The following NSD3 variants were observed in gnomAD, a reference collection of about 807,000 sequenced individuals.
The protein encoded by NSD3 is nuclear receptor binding SET domain protein 3.
In NSD3, 24 loss-of-function variants were observed where a neutral mutation model predicts 160.8. The observed-to-expected ratio is 0.15, with a 90% CI of 0.11 to 0.21. The LOEUF is 0.21. Ranked by LOEUF, NSD3 falls within the 10% of genes least tolerant of loss-of-function variation. The probability of loss-of-function intolerance (pLI) is 1.00; values close to 1 mark genes in which losing one functional copy is unlikely to be tolerated. For synonymous variants in NSD3, 520 were observed against 600.0 expected (o/e 0.87, Z 1.95); for missense variants, 1,157 against 1,735.9 (o/e 0.67, Z 5.93).
intron 12 of NSD3, among the ~76,000 whole-genome samples, chr8:38,306,729 C>A (rs1238332217): frequency 5.3e-5 from 8 of 151,836 alleles, no homozygotes; most frequent in African/African-American, 1.9e-4. Flanking sequence ...TGTAAATGGG[C>A]AATTTACATA....
At position 38,348,898 on chromosome 8, in the gene NSD3, A is replaced by G. The variant is rs1456811381; in HGVS notation, c.-44-683T>C. 2.0e-5 allele frequency among the ~76,000 whole-genome samples: 3 copies of G among 152,252 alleles called. No individual in the cohort carries two copies. In the East Asian group the frequency reaches 5.8e-4, roughly 29 times the overall value. On this transcript the variant is annotated intron_variant, in intron 1 of 23. Transcript: ENST00000317025. ...GGTCTTGAACTCTTGGGCTCAAGCA[A>G]TCCACCTGCCTCAGCCTCCCAAAGT... is the stretch of plus-strand genomic sequence containing the variant.
At chr8:38,331,311 C>A in intron 5 of NSD3, 120 bp downstream of exon 5, 1 of 1,180,480 alleles carries the variant, frequency 8.5e-7, no homozygotes, top group African/African-American at 1.6e-5. Flanking sequence ...ATTAAAACAG[C>A]TGAAAGGGGT....
intron 19 of NSD3, among the ~76,000 whole-genome samples, chr8:38,284,248 A>G (rs2932003): frequency 0.94 from 143,733 of 152,326 alleles, 68,017 homozygotes; most frequent in East Asian, 1. Flanking sequence ...AGCCTCAAAT[A>G]GCTTTTCCTG....
chr8:38,378,469 G>A (rs1811455212), intron 1 of NSD3, among the ~76,000 whole-genome samples: 1 of 152,176 alleles, frequency 6.6e-6, no homozygotes, highest in Non-Finnish European at 1.5e-5. Flanking sequence ...GTGAAACCCT[G>A]TCTCTACTAA....
intron 4 of NSD3, among the ~76,000 whole-genome samples, chr8:38,334,597 A>G (rs1195261061): frequency 6.6e-6 from 1 of 151,142 alleles, no homozygotes; most frequent in Non-Finnish European, 1.5e-5. Context: ...TACTAAAAAT[A>G]CAAAAAAAAA....
At chr8:38,332,196 C>T (rs1236651374) in intron 4 of NSD3, among the ~76,000 whole-genome samples, 1 of 152,238 alleles carries the variant, frequency 6.6e-6, no homozygotes, top group Non-Finnish European at 1.5e-5. Flanking sequence ...CTGCCTCAGC[C>T]TCCCAAAGTG....
chr8:38,319,054 G>T lies in NSD3; in HGVS notation c.1810-114C>A. On this transcript the variant is annotated intron_variant, in intron 8 of 23. Transcript: ENST00000317025. The surrounding 1 kb of genome is among the most constrained non-coding windows in gnomAD (Gnocchi z 4.1). ...GCAATGATGAGTGATTAATGTATCT[G>T]AAATCTGAACTCAGTCCCATCTTTT... 2.1e-6 allele frequency: 2 copies of T among 957,526 alleles called. No individual in the cohort carries two copies. The highest frequency in any genetic ancestry group is 1.6e-6 in the Non-Finnish European group (1 of 632,084). The allele number at this position is 957,526 out of a possible 1,614,324, so 59.3% of individuals were successfully genotyped here.
chr8:38,341,381 T>C (rs1173320298), intron 2 of NSD3, among the ~76,000 whole-genome samples: 1 of 151,514 alleles, frequency 6.6e-6, no homozygotes, highest in Non-Finnish European at 1.5e-5. Flanking sequence ...CTACTAAAAA[T>C]AGAAAAATTA....
rs1808944532 is a variant in NSD3, at chr8:38,289,413, G to A, written c.3211C>T (p.Pro1071Ser). 1.2e-6 allele frequency: 2 copies of A among 1,613,150 alleles called. No individual in the cohort carries two copies. The highest frequency in any genetic ancestry group is 2.2e-5 in the South Asian group (2 of 90,938). ...CTTACTTTGATGTGTTTGTAGGGAG[G>A]GGGTTTTCTTGAGTTTTTTTCAATC... ...LEIEKNSRKP[P>S]PYKHIKANKV... is the part of the protein sequence containing the mutation. Residue 1071 changes from proline (P) to serine (S), a missense_variant, in exon 18 of 24, where the codon CCT (proline) becomes TCT (serine). By Grantham distance (74) the Pro-to-Ser change is moderately conservative. This residue lies in a region of NSD3 where 437 missense variants were observed against 576.6 expected (regional missense o/e 0.76). Transcript: ENST00000317025.
At position 38,382,191 on chromosome 8, in the gene NSD3, C is replaced by G. The variant is rs887319775; in HGVS notation, c.-437G>C. The G allele has an allele frequency of 4.5e-5, 7 of 156,170 alleles. No homozygotes were observed. Among genetic ancestry groups the G allele is most frequent in the African/African-American group, 1.7e-4 (7 of 41,454 alleles). 9.7% of individuals were successfully genotyped at this position (156,170 alleles called of 1,614,324 possible). On this transcript the variant is annotated 5_prime_UTR_variant, in exon 1 of 24. Transcript: ENST00000317025. The surrounding 1 kb of genome is among the most constrained non-coding windows in gnomAD (Gnocchi z 4.2). ...GAATTCGCACGCCTCTCCGCGGCGA[C>G]CTGTGCACAGCCCCCTCGGCCTCCG...
In NSD3 at chr8:38,288,038, A is replaced by G. The variant is rs1808907893; in HGVS notation, c.3501+449T>C. Among the ~76,000 whole-genome samples, 1 of 152,012 alleles carries G rather than the reference A, an allele frequency of 6.6e-6. No homozygotes were observed. Among genetic ancestry groups the G allele is most frequent in the Non-Finnish European group, 1.5e-5 (1 of 68,002 alleles). ...TGCTTGAGTCCAGGAGTTTGAGACC[A>G]GCCTGGGCAATGTAGTGAGACCCTA... On this transcript the variant is annotated intron_variant, in intron 19 of 23. Transcript: ENST00000317025. This position sits in a 1 kb window ranked among gnomAD's most constrained non-coding sequence, Gnocchi z 4.5.
Position 38,270,482 on chromosome 8 carries a change from CTTGA to C in NSD3, c.*5155_*5158del, listed in dbSNP as rs557646701. ...GCCAGTTGTAATACTCATTTAGCAT[CTTGA>C]TTATTAGTGGCAATATAATTATCTT... On this transcript the variant is annotated 3_prime_UTR_variant, in exon 24 of 24. Transcript: ENST00000317025. 182 of 152,266 alleles carry C rather than the reference CTTGA, an allele frequency of 1.2e-3. No individual in the cohort carries two copies. Among genetic ancestry groups the C allele is most frequent in the African/African-American group, 4.1e-3 (171 of 41,556 alleles). The allele number at this position is 152,266 out of a possible 1,614,324, so 9.4% of individuals were successfully genotyped here. A position where few individuals can be genotyped will look rare whatever the true frequency, so the allele number is the denominator to read the frequency against.
At chr8:38,350,444 G>A (rs954270820) in intron 1 of NSD3, among the ~76,000 whole-genome samples, 1 of 152,186 alleles carries the variant, frequency 6.6e-6, no homozygotes, top group Admixed American at 6.5e-5. Context: ...CAGTGAAGAT[G>A]AGCATTTTTT....
intron 1 of NSD3, chr8:38,380,682 AC>A (rs1418693385): frequency 1.3e-5 from 2 of 152,328 alleles, no homozygotes; most frequent in African/African-American, 4.8e-5. Flanking sequence ...GGAAAACATC[AC>A]TACCTCCTTT....
intron 2 of NSD3, among the ~76,000 whole-genome samples, chr8:38,345,218 GGAGA>G (rs147165419): frequency 6.7e-5 from 10 of 148,196 alleles, no homozygotes; most frequent in African/African-American, 2.5e-4. Flanking sequence ...AGAGGGAGAG[GGAGA>G]GAGAGAGAGG....
At chr8:38,345,623 C>A (rs1159231772) in intron 2 of NSD3, among the ~76,000 whole-genome samples, 1 of 151,962 alleles carries the variant, frequency 6.6e-6, no homozygotes, top group African/African-American at 2.4e-5. Context: ...AAAATCTAAA[C>A]ATCTGGGCCA....
rs1809660411 is a variant in NSD3, at chr8:38,316,241, C to T, written c.1856-199G>A. Among the ~76,000 whole-genome samples, 1 of 152,130 alleles carries T rather than the reference C, an allele frequency of 6.6e-6. No individual in the cohort carries two copies. Among genetic ancestry groups the T allele is most frequent in the Non-Finnish European group, 1.5e-5 (1 of 68,036 alleles). ...GGTAGTGACTGATTTAATTTACAAC[C>T]GCTCTATCAAAACATTTAATTCAGT... On this transcript the variant is annotated intron_variant, in intron 9 of 23. Coordinates refer to ENST00000317025, the MANE Select transcript of NSD3 (RefSeq NM_023034.2). This position sits in a 1 kb window ranked among gnomAD's most constrained non-coding sequence, Gnocchi z 4.5.
intron 1 of NSD3, among the ~76,000 whole-genome samples, chr8:38,370,071 G>C (rs1811205358): frequency 6.6e-6 from 1 of 152,148 alleles, no homozygotes; most frequent in South Asian, 2.1e-4. Flanking sequence ...TGGGATTACA[G>C]GTGTGAGCCA....
At position 38,317,591 on chromosome 8, in the gene NSD3, T is replaced by C. The variant is rs1328251794; in HGVS notation, c.1855+1304A>G. 2 of 1,077,898 alleles carry C rather than the reference T, an allele frequency of 1.9e-6. No individual in the cohort carries two copies. The highest frequency in any genetic ancestry group is 3.3e-5 in the African/African-American group (2 of 61,204). The allele number at this position is 1,077,898 out of a possible 1,614,324, so 66.8% of individuals were successfully genotyped here. ...AAAAAATAAGAACTTTTAATGATTG[T>C]AATGTATACAGTTTGGGCTGTTTGG... is the stretch of plus-strand genomic sequence containing the variant. On this transcript the variant is annotated intron_variant, in intron 9 of 23. Coordinates refer to ENST00000317025, the MANE Select transcript of NSD3 (RefSeq NM_023034.2). The surrounding 1 kb of genome is among the most constrained non-coding windows in gnomAD (Gnocchi z 5.3).
Sources: gnomAD v4.1 joint callset for allele counts (sites outside exome capture counted in the v4.1 genomes callset) on GRCh38, gnomAD v4.1.1 for gene constraint, gnomAD v4.1.1 regional missense constraint, Gnocchi (gnomAD v3.1) non-coding constraint, MANE v1.5 for transcripts, NCBI Gene and HGNC (gene_info 2026-07-23, HGNC 2026-07-21) for gene names.